PTPRG: variants seen among roughly 807,000 people sequenced by gnomAD.
The protein encoded by PTPRG is protein tyrosine phosphatase receptor type G.
In PTPRG, 102 loss-of-function variants were observed where a neutral mutation model predicts 165.3. The ratio of observed to expected loss-of-function variants is 0.62; its 90% CI spans 0.53 to 0.73. The LOEUF (loss-of-function observed/expected upper bound fraction) is 0.73, where lower values mean the gene tolerates loss of function less well. Among genes scored for constraint, PTPRG ranks in the 30% least tolerant of loss-of-function variants. The pLI, the probability that PTPRG is intolerant of heterozygous loss-of-function variation, is 0.00. For synonymous variants in PTPRG, 675 were observed against 669.5 expected, an observed-to-expected ratio of 1.01 and a Z score of -0.13; for missense variants, 1,866 against 1,861.4, an observed-to-expected ratio of 1.00 and a Z score of -0.05.
At chr3:62,192,393 CTTTTTTTTTTTTTTTTTTT>C (rs71123255) in intron 9 of PTPRG, among the ~76,000 whole-genome samples, 10 of 52,620 alleles carry the variant, frequency 1.9e-4, no homozygotes, top group African/African-American at 4.9e-4. Flanking sequence ...CAACTACTGT[CTTTTTTTTTTTTTTTTTTT>C]TTTTTTTTTT....
chr3:61,765,499 A>G (rs1156665124), intron 2 of PTPRG, among the ~76,000 whole-genome samples: 1 of 152,144 alleles, frequency 6.6e-6, no homozygotes, highest in Non-Finnish European at 1.5e-5. Flanking sequence ...GAAGGACCCT[A>G]AAGGATCAGC....
chr3:62,140,065 A>C (rs1213922875), intron 6 of PTPRG, among the ~76,000 whole-genome samples: 1 of 152,192 alleles, frequency 6.6e-6, no homozygotes, highest in Non-Finnish European at 1.5e-5. Context: ...TTCCTTCTAG[A>C]ACAGTGGGTA....
chr3:62,151,934 C>T (rs965936527), intron 6 of PTPRG, among the ~76,000 whole-genome samples: 2 of 152,164 alleles, frequency 1.3e-5, no homozygotes, highest in East Asian at 1.9e-4. Context: ...GTTATTATCC[C>T]ATTTTACAGA....
chr3:61,672,125 G>T (rs1198380012), intron 1 of PTPRG, among the ~76,000 whole-genome samples: 1 of 149,210 alleles, frequency 6.7e-6, no homozygotes, highest in Non-Finnish European at 1.5e-5. Flanking sequence ...GACGATGGGC[G>T]GCCGGGCAGA....
intron 1 of PTPRG, among the ~76,000 whole-genome samples, chr3:61,667,425 G>T (rs1702839885): frequency 6.6e-6 from 1 of 152,076 alleles, no homozygotes; most frequent in Non-Finnish European, 1.5e-5. Flanking sequence ...TTTGATACTG[G>T]TTCTAGATAA....
At chr3:61,572,145 A>G (rs1229996934) in intron 1 of PTPRG, among the ~76,000 whole-genome samples, 2 of 152,150 alleles carry the variant, frequency 1.3e-5, no homozygotes, top group Non-Finnish European at 2.9e-5. Context: ...GAACCCTTCC[A>G]TTATCTTGCT....
At chr3:62,072,602 AATAT>A (rs1252598355) in intron 4 of PTPRG, among the ~76,000 whole-genome samples, 5 of 146,674 alleles carry the variant, frequency 3.4e-5, no homozygotes, top group Non-Finnish European at 5.9e-5. Flanking sequence ...TGTGCTTGAG[AATAT>A]ATATGTGTAT....
At chr3:62,074,176 TGA>T (rs1222523078) in intron 4 of PTPRG, among the ~76,000 whole-genome samples, 113 of 77,064 alleles carry the variant, frequency 1.5e-3, no homozygotes, top group Admixed American at 4.6e-3. Context: ...GGAAAAAAAG[TGA>T]GAGTGTGTGT....
chr3:61,923,403 T>A (rs74914836), intron 2 of PTPRG, among the ~76,000 whole-genome samples: 18,128 of 152,150 alleles, frequency 0.12, 1,215 homozygotes, highest in Non-Finnish European at 0.16. Flanking sequence ...CTTTTTTTAT[T>A]TTTTATTTTT....
intron 1 of PTPRG, among the ~76,000 whole-genome samples, chr3:61,653,378 A>G (rs746085061): frequency 6.6e-6 from 1 of 151,248 alleles, no homozygotes; most frequent in Non-Finnish European, 1.5e-5. Context: ...GTTCCTTGTC[A>G]TTTTTAGCAG....
chr3:61,567,459 C>A (rs1420503214), intron 1 of PTPRG, among the ~76,000 whole-genome samples: 1 of 152,060 alleles, frequency 6.6e-6, no homozygotes, highest in Admixed American at 6.6e-5. Flanking sequence ...GTCACTTGAG[C>A]CCAGAAGTTC....
chr3:62,183,278 G>A (rs541230382), intron 8 of PTPRG, among the ~76,000 whole-genome samples: 1 of 152,294 alleles, frequency 6.6e-6, no homozygotes, highest in Non-Finnish European at 1.5e-5. Flanking sequence ...TGTCAGTACA[G>A]AGTAGGCCGG....
chr3:62,097,050 C>G (rs1300684970), intron 5 of PTPRG, among the ~76,000 whole-genome samples: 1 of 152,070 alleles, frequency 6.6e-6, no homozygotes, highest in Non-Finnish European at 1.5e-5. Flanking sequence ...ACAACATTAG[C>G]AACCCACTGT....
Position 62,271,359 on chromosome 3 carries a change from C to T in PTPRG, c.3010-24C>T, listed in dbSNP as rs564611690. ...GAATGTCCACCCCCCCGCTTAAAGA[C>T]ATCTTTTTTCACTTTTCTCACAGGG... On this transcript the variant is annotated intron_variant, in intron 20 of 29. Coordinates refer to ENST00000474889, the MANE Select transcript of PTPRG (RefSeq NM_002841.4). The surrounding 1 kb of genome is among the most constrained non-coding windows in gnomAD (Gnocchi z 4.1). 17 of 1,570,132 alleles carry T rather than the reference C, an allele frequency of 1.1e-5. No individual in the cohort carries two copies. The highest frequency in any genetic ancestry group is 2.3e-5 in the East Asian group (1 of 43,998).
Position 62,267,927 on chromosome 3 carries a change from A to G in PTPRG, c.2874+108A>G, listed in dbSNP as rs1054383607. ...TTGACAAGGTATAAAGAGTTACGGAAATGAAAAGTGTTCTCTCTGCTTTAT... is the reference window on the plus strand; with the variant it reads ...TTGACAAGGTATAAAGAGTTACGGAGATGAAAAGTGTTCTCTCTGCTTTAT... On this transcript the variant is annotated intron_variant, in intron 19 of 29. Coordinates refer to ENST00000474889, the MANE Select transcript of PTPRG (RefSeq NM_002841.4). The G allele has an allele frequency of 2.3e-6, 3 of 1,284,200 alleles. No homozygotes were observed. The Admixed American group carries it at 6.8e-5, about 29-fold the overall frequency. The allele number at this position is 1,284,200 out of a possible 1,614,324, so 79.6% of individuals were successfully genotyped here. A position where few individuals can be genotyped will look rare whatever the true frequency, so the allele number is the denominator to read the frequency against.
At chr3:62,068,336 A>G (rs9863306) in intron 4 of PTPRG, among the ~76,000 whole-genome samples, 274 of 152,188 alleles carry the variant, frequency 1.8e-3, no homozygotes, top group African/African-American at 5.5e-3. Flanking sequence ...GGGATTCTCT[A>G]TGTTAAGGCC....
At position 62,229,859 on chromosome 3, in the gene PTPRG, C is replaced by T. The variant is rs779270299; in HGVS notation, c.2289-1366C>T. On this transcript the variant is annotated intron_variant, in intron 13 of 29. Coordinates refer to ENST00000474889, the MANE Select transcript of PTPRG (RefSeq NM_002841.4). The surrounding 1 kb of genome is among the most constrained non-coding windows in gnomAD (Gnocchi z 4.6). ...TGTGAGGAAAAACTGCGGAGATAGC[C>T]GGCTCTGCTCCAAAATTCCTGAAAG... Among the ~76,000 whole-genome samples, 1 of 152,162 alleles carries T rather than the reference C, an allele frequency of 6.6e-6. No homozygotes were observed. The highest frequency in any genetic ancestry group is 1.5e-5 in the Non-Finnish European group (1 of 68,040).
intron 2 of PTPRG, among the ~76,000 whole-genome samples, chr3:61,882,183 T>C (rs767881755): frequency 4.6e-5 from 7 of 152,206 alleles, no homozygotes; most frequent in Non-Finnish European, 7.3e-5. Context: ...TTTTGAAATA[T>C]AGTTAAAGAG....
intron 2 of PTPRG, among the ~76,000 whole-genome samples, chr3:61,918,732 C>T (rs902650341): frequency 6.6e-6 from 1 of 152,098 alleles, no homozygotes; most frequent in Non-Finnish European, 1.5e-5. Context: ...GACTGGGGAG[C>T]GGTGATGGGA....
Sources: gnomAD v4.1 joint callset for allele counts (sites outside exome capture counted in the v4.1 genomes callset) on GRCh38, gnomAD v4.1.1 for gene constraint, Gnocchi (gnomAD v3.1) non-coding constraint, MANE v1.5 for transcripts, NCBI Gene and HGNC (gene_info 2026-07-23, HGNC 2026-07-21) for gene names.